Variants in CHN2 observed in about 807,000 individuals in gnomAD.
CHN2 encodes the protein chimerin 2, also known as beta-chimaerin.
A neutral mutation model predicts 56.3 loss-of-function variants in CHN2; 35 were observed. The ratio of observed to expected loss-of-function variants is 0.62; its 90% CI spans 0.47 to 0.82. The LOEUF (loss-of-function observed/expected upper bound fraction) is 0.82, where lower values mean the gene tolerates loss of function less well. CHN2 is among the 40% of genes least tolerant of loss of function. The probability of loss-of-function intolerance (pLI) is 0.00; values close to 1 mark genes in which losing one functional copy is unlikely to be tolerated. For synonymous variants in CHN2, 210 were observed against 212.8 expected (o/e 0.99, Z 0.12); for missense variants, 491 against 580.5 (o/e 0.85, Z 1.58).
chr7:29,390,326 G>C (rs568052690), intron 3 of CHN2, among the ~76,000 whole-genome samples: 1 of 152,270 alleles, frequency 6.6e-6, no homozygotes, highest in Admixed American at 6.5e-5. Context: ...TGGAGTCAGA[G>C]CACTAAATCC....
chr7:29,270,588 T>A (rs144924794), intron 1 of CHN2, among the ~76,000 whole-genome samples: 2 of 151,876 alleles, frequency 1.3e-5, no homozygotes, highest in East Asian at 1.9e-4. Flanking sequence ...CACTTGAACT[T>A]GGGAGGTGGT....
chr7:29,361,489 C>T (rs924479217), intron 2 of CHN2, among the ~76,000 whole-genome samples: 1 of 152,176 alleles, frequency 6.6e-6, no homozygotes, highest in Non-Finnish European at 1.5e-5. Context: ...ATTCTGAGAC[C>T]TGCTCATTGA....
intron 1 of CHN2, among the ~76,000 whole-genome samples, chr7:29,231,428 A>C (rs1436130734): frequency 6.6e-6 from 1 of 152,158 alleles, no homozygotes; most frequent in South Asian, 2.1e-4. Flanking sequence ...TTATCTACGT[A>C]TCTGTCTTTA....
rs150374613 is a variant in CHN2 at position 29,232,187 on chromosome 7, A to G, written c.49+37197A>G. ...GACGTTTTATGAGGACTTCATTAGG[A>G]GACAATAGATTCAGGACCCTGCTGT... is the stretch of plus-strand genomic sequence containing the variant. On this transcript the variant is annotated intron_variant, in intron 1 of 12. Coordinates refer to ENST00000222792, the MANE Select transcript of CHN2 (RefSeq NM_004067.4). Among the ~76,000 whole-genome samples, 436 of 152,324 alleles carry G rather than the reference A, an allele frequency of 2.9e-3. 1 individual carries two copies. Among genetic ancestry groups the G allele is most frequent in the African/African-American group, 1.0e-2 (415 of 41,566 alleles).
chr7:29,398,015 AAATTGG>A, intron 4 of CHN2: 1 of 176,048 alleles, frequency 5.7e-6, no homozygotes, highest in Non-Finnish European at 1.1e-5. Flanking sequence ...GCTGAGAGCT[AAATTGG>A]TAATTGCTCT....
At chr7:29,260,388 T>C (rs1789437165) in intron 1 of CHN2, among the ~76,000 whole-genome samples, 1 of 152,214 alleles carries the variant, frequency 6.6e-6, no homozygotes. Flanking sequence ...ATGTGATTAA[T>C]TTTGTCATCT....
chr7:29,307,999 G>A (rs1363769899), intron 1 of CHN2, among the ~76,000 whole-genome samples: 5 of 152,174 alleles, frequency 3.3e-5, no homozygotes, highest in Admixed American at 3.3e-4. Context: ...ATTTAGCACT[G>A]CATCTTTCTG....
At chr7:29,174,608 T>C (rs1562808191) in intron 2 of CHN2, among the ~76,000 whole-genome samples, 2 of 152,116 alleles carry the variant, frequency 1.3e-5, no homozygotes, top group East Asian at 3.9e-4. Context: ...ACGCCTGTAA[T>C]CCAGCACTTT....
intron 1 of CHN2, among the ~76,000 whole-genome samples, chr7:29,340,450 C>T (rs928024391): frequency 1.3e-5 from 2 of 152,078 alleles, no homozygotes; most frequent in South Asian, 4.2e-4. Context: ...TCAAACATTG[C>T]AGAGCAGGTC....
rs147316113 is a variant in CHN2, at chr7:29,424,091, A to T, written c.576+23263A>T. Among the ~76,000 whole-genome samples the T allele has an allele frequency of 7.6e-3, 1,151 of 152,346 alleles. 3 individuals carry two copies. The highest frequency in any genetic ancestry group is 0.013 in the Non-Finnish European group (886 of 68,032). The stretch of plus-strand genomic sequence containing the variant: ...CCACTATAGTAGAGTTCCATTGTTT[A>T]GCACTGAAGTATTATTCAAAGTAAG... On this transcript the variant is annotated intron_variant, in intron 6 of 12. Coordinates refer to ENST00000222792, the MANE Select transcript of CHN2 (RefSeq NM_004067.4).
At chr7:29,372,700 G>A (rs533261439) in intron 3 of CHN2, among the ~76,000 whole-genome samples, 37 of 152,326 alleles carry the variant, frequency 2.4e-4, no homozygotes, top group African/African-American at 7.0e-4. Context: ...CTGTTATTAG[G>A]ATAGTGAGCT....
At chr7:29,281,950 G>T (rs896538196) in intron 1 of CHN2, among the ~76,000 whole-genome samples, 2 of 152,182 alleles carry the variant, frequency 1.3e-5, no homozygotes, top group Non-Finnish European at 2.9e-5. Context: ...GGCACTGGGT[G>T]GTGGGAACAC....
At chr7:29,259,703 A>G (rs181796104) in intron 1 of CHN2, among the ~76,000 whole-genome samples, 29 of 152,304 alleles carry the variant, frequency 1.9e-4, no homozygotes, top group African/African-American at 7.0e-4. Context: ...AAAAGAGTAG[A>G]TCTTAAGTGG....
chr7:29,481,364 G>A (rs556614568), intron 7 of CHN2, among the ~76,000 whole-genome samples: 7 of 152,312 alleles, frequency 4.6e-5, no homozygotes, highest in East Asian at 1.9e-4. Context: ...CAGAGGTGAC[G>A]AGGGAAACTG....
chr7:29,271,743 T>C (rs3812360), intron 1 of CHN2, among the ~76,000 whole-genome samples: 36,373 of 152,148 alleles, frequency 0.24, 4,477 homozygotes, highest in Middle Eastern at 0.35. Flanking sequence ...GGCCTTGCCT[T>C]TTCTCATCAA....
chr7:29,456,925 C>A (rs1585457943), intron 6 of CHN2, among the ~76,000 whole-genome samples: 1 of 152,296 alleles, frequency 6.6e-6, no homozygotes, highest in East Asian at 1.9e-4. Flanking sequence ...TGCCCTTCAT[C>A]TTCCCCATCT....
intron 1 of CHN2, among the ~76,000 whole-genome samples, chr7:29,213,412 T>C (rs1341140950): frequency 6.6e-6 from 1 of 152,184 alleles, no homozygotes; most frequent in Non-Finnish European, 1.5e-5. Flanking sequence ...CTTTTTTTCC[T>C]ATTGGATCTT....
chr7:29,263,044 C>T (rs1584902581), intron 1 of CHN2, among the ~76,000 whole-genome samples: 2 of 152,168 alleles, frequency 1.3e-5, no homozygotes, highest in Non-Finnish European at 2.9e-5. Flanking sequence ...GCACGGTCCT[C>T]GTCTCCCCTT....
intron 6 of CHN2, among the ~76,000 whole-genome samples, chr7:29,449,409 A>G (rs1379743495): frequency 6.6e-6 from 1 of 152,208 alleles, no homozygotes; most frequent in Non-Finnish European, 1.5e-5. Flanking sequence ...CAGGCCCAGA[A>G]CAGAGGTAAA....
Sources: gnomAD v4.1 joint callset for allele counts (sites outside exome capture counted in the v4.1 genomes callset) on GRCh38, gnomAD v4.1.1 for gene constraint, MANE v1.5 for transcripts, NCBI Gene and HGNC (gene_info 2026-07-23, HGNC 2026-07-21) for gene names.